The following ZMAT4 variants were observed in gnomAD, a reference collection of about 807,000 sequenced individuals.
ZMAT4 encodes zinc finger matrin-type 4, also known as zinc finger matrin-type protein 4.
A neutral mutation model predicts 28.7 loss-of-function variants in ZMAT4; 17 were observed. The observed-to-expected ratio is 0.59, with a 90% CI of 0.41 to 0.89. ZMAT4 has a LOEUF of 0.89. Ranked by LOEUF, ZMAT4 falls within the 40% of genes least tolerant of loss-of-function variation. The pLI is 0.00. For synonymous variants in ZMAT4, 117 were observed against 109.2 expected (o/e 1.07, Z -0.44); for missense variants, 240 against 283.8 (o/e 0.85, Z 1.11).
rs544297658 is a variant in ZMAT4 at position 40,756,836 on chromosome 8, T to C, written c.192+10805A>G. The stretch of plus-strand genomic sequence containing the variant: ...TAACCTCATTTTACGTACGTTTCTG[T>C]TAAAAGACACATTATTTGATATACA... On this transcript the variant is annotated intron_variant, in intron 3 of 6. Transcript: ENST00000297737. Among the ~76,000 whole-genome samples the C allele has an allele frequency of 1.1e-3, 162 of 152,240 alleles. 1 individual carries two copies. The highest frequency in any genetic ancestry group is 3.7e-3 in the African/African-American group (153 of 41,554).
intron 5 of ZMAT4, among the ~76,000 whole-genome samples, chr8:40,628,133 C>T (rs974744646): frequency 4.6e-5 from 7 of 152,176 alleles, no homozygotes; most frequent in African/African-American, 1.7e-4. Flanking sequence ...ACATCTCGAT[C>T]ATAGCATGCC....
intron 5 of ZMAT4, among the ~76,000 whole-genome samples, chr8:40,582,416 G>T (rs917426325): frequency 6.6e-6 from 1 of 152,104 alleles, no homozygotes; most frequent in Non-Finnish European, 1.5e-5. Flanking sequence ...CCCAGTTCAA[G>T]ATCACAGTGA....
chr8:40,691,179 T>A (rs563631425), intron 4 of ZMAT4, among the ~76,000 whole-genome samples: 1 of 152,308 alleles, frequency 6.6e-6, no homozygotes, highest in African/African-American at 2.4e-5. Flanking sequence ...CTTAAATGTG[T>A]CTGATTTAAT....
chr8:40,628,346 GACTT>G (rs1806450247), intron 5 of ZMAT4, among the ~76,000 whole-genome samples: 1 of 152,202 alleles, frequency 6.6e-6, no homozygotes, highest in African/African-American at 2.4e-5. Context: ...TATTTTGGAA[GACTT>G]ACTGTGCACC....
intron 5 of ZMAT4, among the ~76,000 whole-genome samples, chr8:40,601,426 A>G (rs1053304581): frequency 7.8e-5 from 8 of 102,294 alleles, no homozygotes; most frequent in Non-Finnish European, 1.1e-4. Context: ...GGAAGGAAGG[A>G]AGGAAGGAAG....
At chr8:40,782,797 G>T (rs769790002) in intron 2 of ZMAT4, among the ~76,000 whole-genome samples, 4 of 152,178 alleles carry the variant, frequency 2.6e-5, no homozygotes, top group Non-Finnish European at 5.9e-5. Flanking sequence ...TTGATGAAAA[G>T]ATACTCACCA....
intron 5 of ZMAT4, among the ~76,000 whole-genome samples, chr8:40,603,834 G>A (rs937168898): frequency 5.9e-5 from 9 of 152,082 alleles, no homozygotes; most frequent in African/African-American, 1.9e-4. Flanking sequence ...GTTTTACTGT[G>A]TTAGCCAGGA....
chr8:40,789,226 T>A (rs1228416415), intron 2 of ZMAT4, among the ~76,000 whole-genome samples: 1 of 152,142 alleles, frequency 6.6e-6, no homozygotes, highest in African/African-American at 2.4e-5. Context: ...AAACTAGGAA[T>A]AGCAGGAAAC....
At chr8:40,599,403 A>ATGTG (rs754866050) in intron 5 of ZMAT4, among the ~76,000 whole-genome samples, 1 of 151,734 alleles carries the variant, frequency 6.6e-6, no homozygotes, top group Non-Finnish European at 1.5e-5. Flanking sequence ...GTGTATATAT[A>ATGTG]TGTGTGTGTG....
At chr8:40,851,933 G>C (rs969207508) in intron 1 of ZMAT4, among the ~76,000 whole-genome samples, 2 of 152,096 alleles carry the variant, frequency 1.3e-5, no homozygotes, top group Non-Finnish European at 2.9e-5. Context: ...GTCTCACTCT[G>C]TTGCCCAGGC....
Position 40,628,368 on chromosome 8 carries a change from G to A in ZMAT4, c.577+46336C>T, listed in dbSNP as rs184805790. Among the ~76,000 whole-genome samples the A allele has an allele frequency of 1.2e-3, 185 of 152,284 alleles. 1 individual carries two copies. The highest frequency in any genetic ancestry group is 4.0e-3 in the African/African-American group (166 of 41,562). ...GAAGACTTACTGTGCACCAAGCATCGCGTTAAGCATTTAATATACATTCTT... is the reference window on the plus strand; with the variant it reads ...GAAGACTTACTGTGCACCAAGCATCACGTTAAGCATTTAATATACATTCTT... On this transcript the variant is annotated intron_variant, in intron 5 of 6. Coordinates refer to ENST00000297737, the MANE Select transcript of ZMAT4 (RefSeq NM_024645.3).
At chr8:40,819,662 CAT>C (rs1307027976) in intron 2 of ZMAT4, among the ~76,000 whole-genome samples, 1 of 152,058 alleles carries the variant, frequency 6.6e-6, no homozygotes, top group Non-Finnish European at 1.5e-5. Context: ...TTTCATGAGA[CAT>C]GTGGCACAGC....
At chr8:40,542,946 TGG>T in intron 6 of ZMAT4, among the ~76,000 whole-genome samples, 1 of 152,324 alleles carries the variant, frequency 6.6e-6, no homozygotes, top group East Asian at 1.9e-4. Flanking sequence ...TGAATGCCTG[TGG>T]CCTGGCCAAC....
intron 5 of ZMAT4, among the ~76,000 whole-genome samples, chr8:40,674,042 G>C (rs1808799694): frequency 7.1e-6 from 1 of 140,252 alleles, no homozygotes; most frequent in Admixed American, 7.1e-5. Context: ...AAGCACAAAA[G>C]TTTAAGGTAA....
intron 6 of ZMAT4, among the ~76,000 whole-genome samples, chr8:40,549,958 T>C (rs1803318488): frequency 1.3e-5 from 2 of 152,188 alleles, no homozygotes; most frequent in African/African-American, 4.8e-5. Flanking sequence ...CCTGCCATAT[T>C]GAGCTTGTCA....
intron 2 of ZMAT4, among the ~76,000 whole-genome samples, chr8:40,781,819 A>G (rs1813848907): frequency 6.7e-6 from 1 of 149,162 alleles, no homozygotes; most frequent in Admixed American, 6.8e-5. Flanking sequence ...AAATCCTTCC[A>G]TTGGTGGTTA....
At chr8:40,847,220 A>AAAAAAAAACAAAC (rs1554570467) in intron 1 of ZMAT4, among the ~76,000 whole-genome samples, 9 of 111,280 alleles carry the variant, frequency 8.1e-5, no homozygotes, top group African/African-American at 3.3e-4. Context: ...CAAACAAACA[A>AAAAAAAAACAAAC]AAAAAAAAAA....
chr8:40,867,977 T>C (rs1402269572), intron 1 of ZMAT4, among the ~76,000 whole-genome samples: 1 of 152,116 alleles, frequency 6.6e-6, no homozygotes, highest in Non-Finnish European at 1.5e-5. Flanking sequence ...TTTCTGGTTG[T>C]CTCCACTTAG....
At chr8:40,739,564 A>G (rs1256995677) in intron 3 of ZMAT4, among the ~76,000 whole-genome samples, 4 of 152,190 alleles carry the variant, frequency 2.6e-5, no homozygotes, top group African/African-American at 9.7e-5. Flanking sequence ...CACAGGAAGA[A>G]AAGAGCTGAC....
Sources: allele counts gnomAD v4.1 joint callset (sites outside exome capture counted in the v4.1 genomes callset), GRCh38; gene constraint gnomAD v4.1.1; transcripts MANE v1.5; gene names NCBI Gene and HGNC (gene_info 2026-07-23, HGNC 2026-07-21).